The following MYO16 variants were observed in gnomAD, a reference collection of about 807,000 sequenced individuals.
MYO16 encodes unconventional myosin-XVI.
In MYO16, 94 loss-of-function variants were observed where a neutral mutation model predicts 205.3. The observed-to-expected ratio is 0.46, with a 90% CI of 0.39 to 0.54. The LOEUF is 0.54. MYO16 is among the 20% of genes least tolerant of loss of function. The probability of loss-of-function intolerance (pLI) is 0.00; values close to 1 mark genes in which losing one functional copy is unlikely to be tolerated. For synonymous variants in MYO16, 988 were observed against 954.0 expected, an observed-to-expected ratio of 1.04 and a Z score of -0.66; for missense variants, 2,315 against 2,387.5, an observed-to-expected ratio of 0.97 and a Z score of 0.63.
At chr13:108,709,157 T>C (rs535364121) in intron 2 of MYO16, among the ~76,000 whole-genome samples, 3 of 152,334 alleles carry the variant, frequency 2.0e-5, no homozygotes, top group East Asian at 3.9e-4. Context: ...TTCCTTAGGC[T>C]GTTTCCTTGC....
At chr13:108,761,922 G>A (rs1885621912) in intron 4 of MYO16, among the ~76,000 whole-genome samples, 3 of 152,156 alleles carry the variant, frequency 2.0e-5, no homozygotes, top group Admixed American at 2.0e-4. Context: ...ATTTCATAGT[G>A]GTGAAGTTGT....
intron 4 of MYO16, among the ~76,000 whole-genome samples, chr13:108,740,758 C>T (rs1884879129): frequency 6.6e-6 from 1 of 152,192 alleles, no homozygotes; most frequent in African/African-American, 2.4e-5. Flanking sequence ...GCAGGCAGGC[C>T]TCCTTGAGCT....
intron 31 of MYO16, among the ~76,000 whole-genome samples, chr13:109,136,759 G>A (rs543786550): frequency 4.6e-5 from 7 of 152,236 alleles, no homozygotes; most frequent in Non-Finnish European, 7.4e-5. Flanking sequence ...AGGCCACCAC[G>A]CTTCCCTGAT....
intron 14 of MYO16, among the ~76,000 whole-genome samples, chr13:108,889,280 G>A (rs1181901324): frequency 6.6e-6 from 1 of 152,140 alleles, no homozygotes; most frequent in Non-Finnish European, 1.5e-5. Context: ...AGTGTTAACT[G>A]TCCCGCTAAT....
At chr13:109,065,174 C>A (rs1486301691) in intron 27 of MYO16, among the ~76,000 whole-genome samples, 1 of 152,164 alleles carries the variant, frequency 6.6e-6, no homozygotes, top group East Asian at 1.9e-4. Context: ...GTCAAGTTTC[C>A]ATGGACAAGG....
chr13:109,172,209 A>G (rs1287625978), intron 33 of MYO16, among the ~76,000 whole-genome samples: 9 of 152,276 alleles, frequency 5.9e-5, no homozygotes. Flanking sequence ...TGGAGATTGT[A>G]CACCTTCTTT....
chr13:108,866,270 A>G, intron 12 of MYO16, 28 bp downstream of exon 12: 1 of 1,438,448 alleles, frequency 7.0e-7, no homozygotes, highest in East Asian at 2.3e-5. Context: ...AATATCATTG[A>G]ATAATGTAGA....
At chr13:108,765,965 T>C (rs1001182042) in intron 4 of MYO16, among the ~76,000 whole-genome samples, 1 of 152,210 alleles carries the variant, frequency 6.6e-6, no homozygotes, top group African/African-American at 2.4e-5. Context: ...GGTTTTACAT[T>C]TTTATGACCA....
At chr13:108,548,051 G>A in the MYO16 span, among the ~76,000 whole-genome samples, 1 of 152,192 alleles carries the variant, frequency 6.6e-6, no homozygotes, top group Non-Finnish European at 1.5e-5. Flanking sequence ...TAACATATCT[G>A]AGTCCATGTT....
At chr13:109,032,839 G>C (rs913194442) in intron 23 of MYO16, among the ~76,000 whole-genome samples, 1 of 152,120 alleles carries the variant, frequency 6.6e-6, no homozygotes, top group Non-Finnish European at 1.5e-5. Flanking sequence ...TTCAATATCA[G>C]AAATATATTG....
chr13:108,912,980 T>C (rs942448477), intron 16 of MYO16, among the ~76,000 whole-genome samples: 5 of 152,082 alleles, frequency 3.3e-5, no homozygotes, highest in African/African-American at 9.7e-5. Flanking sequence ...AGTGTGTGAG[T>C]GTGTGGGAGA....
intron 14 of MYO16, among the ~76,000 whole-genome samples, chr13:108,894,983 A>T (rs1394753756): frequency 6.6e-6 from 1 of 152,252 alleles, no homozygotes; most frequent in East Asian, 1.9e-4. Flanking sequence ...ATGAATTTCA[A>T]CTTTAAGAAT....
intron 2 of MYO16, among the ~76,000 whole-genome samples, chr13:108,674,936 T>C (rs1882137728): frequency 6.6e-6 from 1 of 152,202 alleles, no homozygotes; most frequent in Admixed American, 6.5e-5. Flanking sequence ...CATGGTGCTG[T>C]CTGCATCTTC....
intron 1 of MYO16, among the ~76,000 whole-genome samples, chr13:108,652,078 T>C (rs1881031227): frequency 6.6e-6 from 1 of 152,156 alleles, no homozygotes; most frequent in Non-Finnish European, 1.5e-5. Context: ...TGGAAGAGTG[T>C]TATAACAATG....
the MYO16 span, among the ~76,000 whole-genome samples, chr13:108,566,100 T>C: frequency 3.3e-5 from 5 of 152,178 alleles, no homozygotes; most frequent in South Asian, 2.1e-4. Flanking sequence ...TTGAGTATGA[T>C]TAGTATTAGT....
At chr13:108,609,471 C>T (rs752411993) in intron 1 of MYO16, among the ~76,000 whole-genome samples, 21 of 152,066 alleles carry the variant, frequency 1.4e-4, no homozygotes, top group Admixed American at 1.2e-3. Flanking sequence ...AACAGGTGCT[C>T]AATGCTATCA....
intron 20 of MYO16, among the ~76,000 whole-genome samples, chr13:108,974,663 T>A (rs1309102673): frequency 1.3e-5 from 2 of 152,202 alleles, no homozygotes; most frequent in South Asian, 2.1e-4. Context: ...AGGTAAAATT[T>A]GTGATTTTAA....
At chr13:108,648,700 C>T (rs1481328167) in intron 1 of MYO16, among the ~76,000 whole-genome samples, 4 of 151,966 alleles carry the variant, frequency 2.6e-5, no homozygotes, top group African/African-American at 4.8e-5. Context: ...ACAAAGAAAT[C>T]GATCTTTATG....
the MYO16 span, among the ~76,000 whole-genome samples, chr13:108,507,650 T>G: frequency 2.0e-5 from 3 of 152,198 alleles, no homozygotes; most frequent in Non-Finnish European, 4.4e-5. Flanking sequence ...TTTGGATGTC[T>G]ATTTTCATCC....
Sources: allele counts gnomAD v4.1 joint callset (sites outside exome capture counted in the v4.1 genomes callset), GRCh38; gene constraint gnomAD v4.1.1; transcripts MANE v1.5; gene names NCBI Gene and HGNC (gene_info 2026-07-23, HGNC 2026-07-21).